Variants in ANKRD6 observed in about 807,000 individuals in gnomAD.
ANKRD6 encodes the protein ankyrin repeat domain 6.
A neutral mutation model predicts 82.3 loss-of-function variants in ANKRD6; 56 were observed. That is an observed-to-expected ratio of 0.68 (90% confidence interval 0.55 to 0.85). The LOEUF (loss-of-function observed/expected upper bound fraction) is 0.85. ANKRD6 is among the 40% of genes least tolerant of loss of function. The pLI is 0.00. For synonymous variants in ANKRD6, 347 were observed against 352.1 expected (o/e 0.99, Z 0.16); for missense variants, 852 against 907.6 (o/e 0.94, Z 0.79).
intron 1 of ANKRD6, among the ~76,000 whole-genome samples, chr6:89,493,147 A>C (rs1778200900): frequency 6.6e-6 from 1 of 152,172 alleles, no homozygotes; most frequent in Non-Finnish European, 1.5e-5. Context: ...AAATTACCAC[A>C]AACTTGGTGG....
intron 1 of ANKRD6, chr6:89,561,373 G>A (rs958349527): frequency 1.3e-5 from 2 of 152,192 alleles, no homozygotes; most frequent in Admixed American, 6.5e-5. Context: ...TGCTAAAGCA[G>A]AGCGTGTCCA....
At chr6:89,626,977 T>A (rs1327171871) in intron 13 of ANKRD6, among the ~76,000 whole-genome samples, 1 of 152,212 alleles carries the variant, frequency 6.6e-6, no homozygotes, top group East Asian at 1.9e-4. Flanking sequence ...TAAAGTGGGG[T>A]TGGGGAAGAG....
At chr6:89,508,573 G>A (rs1222424628) in intron 1 of ANKRD6, among the ~76,000 whole-genome samples, 5 of 152,154 alleles carry the variant, frequency 3.3e-5, no homozygotes, top group African/African-American at 1.2e-4. Context: ...ATTACATTGG[G>A]GGAGGTGGCT....
At chr6:89,602,550 G>A (rs1306476999) in intron 3 of ANKRD6, 2 of 163,388 alleles carry the variant, frequency 1.2e-5, no homozygotes, top group African/African-American at 4.7e-5. Flanking sequence ...ACAGGTCAAT[G>A]AACAAATGAC....
At chr6:89,438,595 GCTAGTGTTTTAA>G (rs1455704059) in intron 1 of ANKRD6, among the ~76,000 whole-genome samples, 1 of 152,162 alleles carries the variant, frequency 6.6e-6, no homozygotes. Flanking sequence ...ACAATAAGGT[GCTAGTGTTTTAA>G]CTGGTCAATT....
intron 13 of ANKRD6, 31 bp downstream of exon 13, chr6:89,624,722 A>C (rs1804991945): frequency 6.3e-7 from 1 of 1,593,984 alleles, no homozygotes; most frequent in Non-Finnish European, 8.6e-7. Flanking sequence ...TCCTAATTGC[A>C]AGGTGTTCTG....
rs995436133 is a variant in ANKRD6, at chr6:89,627,607, G to T, written c.1396G>T (p.Val466Phe). 6.2e-7 allele frequency: 1 copy of T among 1,613,450 alleles called. No individual in the cohort carries two copies. The highest frequency in any genetic ancestry group is 1.3e-5 in the African/African-American group (1 of 74,898). ...GATGCGTGTTTTGGACAAGCTGATG[G>T]TTGAGCGACTTTCTGCAGAGAGGAC... Reference protein sequence around the residue: ...HQMRVLDKLMVERLSAERTEC... With the variant: ...HQMRVLDKLMFERLSAERTEC... The change falls in exon 14 of 16, where the codon GTT (valine) becomes TTT (phenylalanine). Residue 466 changes from valine (V) to phenylalanine (F), a missense_variant. Coordinates refer to ENST00000339746, the MANE Select transcript of ANKRD6 (RefSeq NM_001242809.2).
chr6:89,571,445 ATCT>A (rs1789887105), intron 2 of ANKRD6, among the ~76,000 whole-genome samples: 1 of 152,134 alleles, frequency 6.6e-6, no homozygotes, highest in Non-Finnish European at 1.5e-5. Flanking sequence ...TTTGTGTATC[ATCT>A]TTGGAGAAAT....
At chr6:89,467,172 T>C (rs180693351) in intron 1 of ANKRD6, among the ~76,000 whole-genome samples, 1 of 151,706 alleles carries the variant, frequency 6.6e-6, no homozygotes, top group African/African-American at 2.4e-5. Flanking sequence ...CGAGACCCTG[T>C]CTCCTAATTA....
intron 1 of ANKRD6, among the ~76,000 whole-genome samples, chr6:89,469,544 A>G (rs1465533822): frequency 6.6e-6 from 1 of 152,074 alleles, no homozygotes; most frequent in Non-Finnish European, 1.5e-5. Flanking sequence ...ACCCCTGGTG[A>G]TCTGTATAGT....
intron 1 of ANKRD6, among the ~76,000 whole-genome samples, chr6:89,507,138 A>G (rs2127920778): frequency 6.6e-6 from 1 of 152,370 alleles, no homozygotes; most frequent in Non-Finnish European, 1.5e-5. Context: ...TAAACAAAGT[A>G]GGCTCCAATC....
At chr6:89,522,108 A>G (rs1781958172) in intron 1 of ANKRD6, among the ~76,000 whole-genome samples, 1 of 152,190 alleles carries the variant, frequency 6.6e-6, no homozygotes, top group African/African-American at 2.4e-5. Context: ...GCCTGTTTTC[A>G]GTGTGCGCAT....
chr6:89,601,253 T>G (rs1359355379), intron 3 of ANKRD6, among the ~76,000 whole-genome samples: 2 of 152,106 alleles, frequency 1.3e-5, no homozygotes, highest in African/African-American at 2.4e-5. Context: ...AAAATCAGCC[T>G]GAACCTAACT....
At chr6:89,523,993 A>G (rs764828219) in intron 1 of ANKRD6, among the ~76,000 whole-genome samples, 21 of 152,122 alleles carry the variant, frequency 1.4e-4, no homozygotes, top group Non-Finnish European at 2.9e-4. Flanking sequence ...TAAAAGGTGA[A>G]TGATGTCAGT....
chr6:89,549,570 G>A (rs1182592852), intron 1 of ANKRD6, among the ~76,000 whole-genome samples: 1 of 152,152 alleles, frequency 6.6e-6, no homozygotes, highest in Non-Finnish European at 1.5e-5. Context: ...AGCACAAAAT[G>A]GACTGAGACA....
At chr6:89,623,354 G>A in intron 10 of ANKRD6, 56 bp from the exon 11 acceptor site, 1 of 1,551,784 alleles carries the variant, frequency 6.4e-7, no homozygotes, top group Non-Finnish European at 8.7e-7. Flanking sequence ...GACCATATTA[G>A]TGAAAAAGGC....
At chr6:89,456,500 G>C (rs904082931) in intron 1 of ANKRD6, among the ~76,000 whole-genome samples, 3 of 152,138 alleles carry the variant, frequency 2.0e-5, no homozygotes, top group African/African-American at 7.2e-5. Flanking sequence ...TTGCCTCTGT[G>C]CGTGTGCATC....
chr6:89,627,540 T>G (rs1806127859), intron 13 of ANKRD6, 43 bp from the exon 14 acceptor site: 13 of 1,588,672 alleles, frequency 8.2e-6, no homozygotes, highest in Non-Finnish European at 1.1e-5. Flanking sequence ...GGGCTCACCC[T>G]GAGATCATCT....
chr6:89,616,580 G>T lies in ANKRD6; in HGVS notation c.637G>T (p.Val213Phe), dbSNP rs751562737. 6.2e-7 allele frequency: 1 copy of T among 1,614,014 alleles called. No individual in the cohort carries two copies. Among genetic ancestry groups the T allele is most frequent in the Non-Finnish European group, 8.5e-7 (1 of 1,179,898 alleles). ...KNQAGDTALH[V>F]AAALNHKKVA... Reference sequence around the variant, plus strand: ...CCAGGCTGGAGACACAGCACTTCACGTTGCTGCTGCCCTAAATCACAAGAA... The same window carrying T: ...CCAGGCTGGAGACACAGCACTTCACTTTGCTGCTGCCCTAAATCACAAGAA... The change falls in exon 8 of 16, where the codon GTT (valine) becomes TTT (phenylalanine). Residue 213 changes from valine (V) to phenylalanine (F), a missense_variant. Transcript: ENST00000339746.
Sources: gnomAD v4.1 joint callset for allele counts (sites outside exome capture counted in the v4.1 genomes callset) on GRCh38, gnomAD v4.1.1 for gene constraint, MANE v1.5 for transcripts, NCBI Gene and HGNC (gene_info 2026-07-23, HGNC 2026-07-21) for gene names.